Variants in PAK3 observed in about 807,000 individuals in gnomAD.
PAK3 encodes the protein serine/threonine-protein kinase PAK 3.
In PAK3, 4 loss-of-function variants were observed where a neutral mutation model predicts 41.0. The observed-to-expected ratio is 0.10, with a 90% CI of 0.05 to 0.22. PAK3 has a LOEUF of 0.22. Among genes scored for constraint, PAK3 ranks in the 10% least tolerant of loss-of-function variants. The pLI is 1.00. For synonymous variants in PAK3, 146 were observed against 139.6 expected, an observed-to-expected ratio of 1.05 and a Z score of -0.32; for missense variants, 205 against 409.9, an observed-to-expected ratio of 0.50 and a Z score of 4.32.
chrX:111,081,182 A>T (rs1319384686), intron 1 of PAK3, among the ~76,000 whole-genome samples: 2 of 111,727 alleles, frequency 1.8e-5, no homozygotes, highest in East Asian at 5.6e-4. Context: ...TGTAGTTAAT[A>T]AGAACATATT....
At chrX:111,192,389 G>C (rs1414779645) in intron 12 of PAK3, 117 bp from the exon 13 acceptor site, 1 of 551,620 alleles carries the variant, frequency 1.8e-6, no homozygotes, top group African/African-American at 2.3e-5. Context: ...TTGTGGCACA[G>C]GGAAAGAGCT....
chrX:111,156,167 G>A (rs139588910), intron 8 of PAK3, among the ~76,000 whole-genome samples: 2,222 of 111,975 alleles, frequency 0.02, 28 homozygotes, highest in Non-Finnish European at 0.03. Flanking sequence ...TAGGAATGGG[G>A]AGATTACATT....
chrX:111,207,098 G>GTGTGTGTGTA (rs760955956), intron 16 of PAK3, among the ~76,000 whole-genome samples: 2 of 103,096 alleles, frequency 1.9e-5, no homozygotes, highest in African/African-American at 7.1e-5. Flanking sequence ...GTGTGTGTGT[G>GTGTGTGTGTA]TATATATATA....
intron 11 of PAK3, 62 bp downstream of exon 11, chrX:111,173,143 A>G: frequency 3.5e-6 from 2 of 577,723 alleles, no homozygotes; most frequent in East Asian, 3.5e-5. Flanking sequence ...TAAAATTAAA[A>G]TTCAGTAAGA....
upstream of PAK3, among the ~76,000 whole-genome samples, chrX:111,091,251 T>C (rs1423324946): frequency 9.0e-6 from 1 of 111,435 alleles, no homozygotes; most frequent in Non-Finnish European, 1.9e-5. Context: ...TGGGGGATAA[T>C]TGTAGTGAAA....
chrX:111,119,426 A>T (rs755471243), intron 4 of PAK3, among the ~76,000 whole-genome samples: 4 of 112,251 alleles, frequency 3.6e-5, no homozygotes, highest in Non-Finnish European at 7.5e-5. Context: ...GCCTGTGGCT[A>T]TATCTAATGT....
rs149007568 is a variant in PAK3 at position 111,063,890 on chromosome X, C to A, written c.-27-59187C>A. 8.3e-4 allele frequency among the ~76,000 whole-genome samples: 92 copies of A among 110,572 alleles called. 1 individual carries two copies. The Middle Eastern group carries it at 0.019, about 22-fold the overall frequency. Reference sequence around the variant, plus strand: ...GCTCTATATTCCTCAATATTGAGGCCGCTGAAGAAAAATAATCAATGGATA... The same window carrying A: ...GCTCTATATTCCTCAATATTGAGGCAGCTGAAGAAAAATAATCAATGGATA... On this transcript the variant is annotated intron_variant, in intron 1 of 14. Coordinates refer to the PAK3 transcript ENST00000425146.
intron 1 of PAK3, among the ~76,000 whole-genome samples, chrX:111,024,796 G>A (rs145167463): frequency 0.02 from 2,257 of 110,801 alleles, 16 homozygotes; most frequent in Non-Finnish European, 0.033. Context: ...ACAACAAATG[G>A]ACTTAACAGA....
At chrX:111,087,393 C>A (rs780234494) in intron 1 of PAK3, among the ~76,000 whole-genome samples, 2 of 99,218 alleles carry the variant, frequency 2.0e-5, no homozygotes, top group African/African-American at 7.1e-5. Context: ...CATGAGAGAA[C>A]ATTGACTGTA....
At chrX:110,952,137 C>A (rs145440821) in intron 1 of PAK3, among the ~76,000 whole-genome samples, 94 of 112,217 alleles carry the variant, frequency 8.4e-4, no homozygotes, top group African/African-American at 2.9e-3. Context: ...CCTTACTCTG[C>A]CTGGGCTTGC....
At chrX:111,159,405 G>C (rs1435687508) in intron 8 of PAK3, among the ~76,000 whole-genome samples, 1 of 110,517 alleles carries the variant, frequency 9.0e-6, no homozygotes, top group Admixed American at 9.7e-5. Context: ...CACTTTCACG[G>C]GCCCATGTAA....
At chrX:111,215,071 G>A (rs908035258) in intron 16 of PAK3, among the ~76,000 whole-genome samples, 5 of 111,542 alleles carry the variant, frequency 4.5e-5, no homozygotes, top group African/African-American at 1.6e-4. Flanking sequence ...TAGTTTCCTC[G>A]ATTAGCTCTT....
chrX:111,213,605 C>A (rs1487729150), intron 16 of PAK3, among the ~76,000 whole-genome samples: 1 of 111,020 alleles, frequency 9.0e-6, no homozygotes, highest in African/African-American at 3.3e-5. Context: ...CTACAGAGAG[C>A]GGAAACGAGT....
intron 1 of PAK3, among the ~76,000 whole-genome samples, chrX:111,047,944 C>G (rs956532880): frequency 9.0e-6 from 1 of 111,729 alleles, no homozygotes; most frequent in African/African-American, 3.3e-5. Flanking sequence ...TGGCTGCATA[C>G]TCTCTTTCTA....
chrX:111,109,111 A>C (rs2093325963), intron 4 of PAK3, among the ~76,000 whole-genome samples: 1 of 111,710 alleles, frequency 9.0e-6, no homozygotes, highest in African/African-American at 3.3e-5. Flanking sequence ...AAGTGAAGAG[A>C]AATTACTTAT....
intron 1 of PAK3, among the ~76,000 whole-genome samples, chrX:110,972,579 A>G (rs1256505986): frequency 8.9e-6 from 1 of 112,248 alleles, no homozygotes; most frequent in African/African-American, 3.2e-5. Flanking sequence ...CAAAGACCAA[A>G]GGTAGATAAA....
At chrX:110,946,691 A>C (rs913627852) in intron 1 of PAK3, among the ~76,000 whole-genome samples, 1 of 112,541 alleles carries the variant, frequency 8.9e-6, no homozygotes, top group African/African-American at 3.2e-5. Flanking sequence ...TACTTTTTGC[A>C]CAAAAATTTA....
chrX:111,140,449 A>G (rs943226711), intron 5 of PAK3, among the ~76,000 whole-genome samples: 9 of 111,619 alleles, frequency 8.1e-5, no homozygotes, highest in African/African-American at 2.6e-4. Flanking sequence ...CAATAGAGTG[A>G]TGACACCAGA....
chrX:111,044,792 T>C (rs1322111329), intron 1 of PAK3, among the ~76,000 whole-genome samples: 2 of 112,439 alleles, frequency 1.8e-5, no homozygotes, highest in Non-Finnish European at 3.8e-5. Context: ...CTACCAGAAG[T>C]TGATCTTGGA....
Sources: gnomAD v4.1 joint callset for allele counts (sites outside exome capture counted in the v4.1 genomes callset) on GRCh38, gnomAD v4.1.1 for gene constraint, MANE v1.5 for transcripts, NCBI Gene and HGNC (gene_info 2026-07-23, HGNC 2026-07-21) for gene names.